The following COBL variants were observed in gnomAD, a reference collection of about 807,000 sequenced individuals.
The protein encoded by COBL is protein cordon-bleu.
A neutral mutation model predicts 98.8 loss-of-function variants in COBL; 51 were observed. The observed-to-expected ratio is 0.52, with a 90% CI of 0.41 to 0.65. COBL has a LOEUF of 0.65. Ranked by LOEUF, COBL falls within the 30% of genes least tolerant of loss-of-function variation. The pLI, the probability that COBL is intolerant of heterozygous loss-of-function variation, is 0.00. For missense variants in COBL, 1,617 were observed against 1,617.5 expected (o/e 1.00, Z 0.01); for synonymous variants, 634 against 651.7 (o/e 0.97, Z 0.41).
At chr7:51,052,438 C>G (rs1790336244) in intron 7 of COBL, among the ~76,000 whole-genome samples, 1 of 152,192 alleles carries the variant, frequency 6.6e-6, no homozygotes, top group Non-Finnish European at 1.5e-5. Context: ...ATCTGGGAAT[C>G]TCAACATATT....
intron 7 of COBL, among the ~76,000 whole-genome samples, chr7:51,056,820 C>CACACAG (rs1349491753): frequency 7.3e-6 from 1 of 137,216 alleles, no homozygotes; most frequent in Admixed American, 6.8e-5. Context: ...CCAACACACA[C>CACACAG]ACACACACAC....
At chr7:51,242,786 TG>T (rs1795914291) in intron 1 of COBL, among the ~76,000 whole-genome samples, 1 of 152,188 alleles carries the variant, frequency 6.6e-6, no homozygotes, top group Non-Finnish European at 1.5e-5. Flanking sequence ...ACCCGACTCC[TG>T]GGTAGAAGAG....
intron 2 of COBL, among the ~76,000 whole-genome samples, chr7:51,203,436 T>C (rs1584156573): frequency 1.1e-5 from 1 of 88,068 alleles, no homozygotes; most frequent in East Asian, 3.1e-4. Flanking sequence ...CACTCCAGCC[T>C]GGGCGACAGA....
chr7:51,052,681 G>A (rs745526719), intron 7 of COBL, among the ~76,000 whole-genome samples: 11 of 152,242 alleles, frequency 7.2e-5, no homozygotes, highest in South Asian at 2.1e-4. Flanking sequence ...ACCTGCCAAG[G>A]TGCCAAGGGA....
intron 1 of COBL, among the ~76,000 whole-genome samples, chr7:51,249,728 G>A (rs900496285): frequency 2.6e-5 from 4 of 152,106 alleles, no homozygotes; most frequent in African/African-American, 9.7e-5. Context: ...AGACAATGCT[G>A]CCAGGAGCCA....
At chr7:51,072,316 C>T (rs2128924537) in intron 7 of COBL, 1 of 152,248 alleles carries the variant, frequency 6.6e-6, no homozygotes, top group Non-Finnish European at 1.5e-5. Flanking sequence ...CTATTTTTAC[C>T]TACTCTGCCT....
chr7:51,111,544 C>T (rs943169683), intron 6 of COBL, among the ~76,000 whole-genome samples: 1 of 152,160 alleles, frequency 6.6e-6, no homozygotes, highest in African/African-American at 2.4e-5. Flanking sequence ...TTCTCCCCGC[C>T]GGCCCCACCT....
chr7:51,095,106 G>T (rs189839587), intron 6 of COBL, among the ~76,000 whole-genome samples: 1 of 152,192 alleles, frequency 6.6e-6, no homozygotes. Context: ...ATAAAGGAAG[G>T]AGGTTTAATT....
At chr7:51,300,180 A>G (rs1055049966) in intron 1 of COBL, among the ~76,000 whole-genome samples, 1 of 150,628 alleles carries the variant, frequency 6.6e-6, no homozygotes, top group African/African-American at 2.5e-5. Flanking sequence ...TTGTTTTTTG[A>G]GACAGAGTCT....
At chr7:51,214,272 AAAAT>A (rs34766805) in intron 2 of COBL, among the ~76,000 whole-genome samples, 5,937 of 140,218 alleles carry the variant, frequency 0.042, 166 homozygotes, top group South Asian at 0.12. Context: ...TCATCTATTA[AAAAT>A]AAATAAATAA....
rs767759467 is a variant in COBL at position 51,184,170 on chromosome 7, C to T, written c.715G>A (p.Asp239Asn). 2.6e-5 allele frequency: 40 copies of T among 1,563,640 alleles called. No homozygotes were observed. The highest frequency in any genetic ancestry group is 3.4e-5 in the Non-Finnish European group (39 of 1,154,720). Residue 239 changes from aspartate to asparagine, a missense_variant, in exon 5 of 13, where the codon GAT becomes AAT. Coordinates refer to ENST00000265136, the MANE Select transcript of COBL (RefSeq NM_015198.5). ...TTTTTCTTCTCTTTATCTGTCTCAT[C>T]ATTGCCAAGTGATGATTTCCTAAAG... ...ETFRKSSLGNDETDKEKKKFL... is the reference protein window; with the variant it reads ...ETFRKSSLGNNETDKEKKKFL...
intron 1 of COBL, among the ~76,000 whole-genome samples, chr7:51,224,116 C>T (rs557185657): frequency 6.6e-6 from 1 of 152,308 alleles, no homozygotes; most frequent in South Asian, 2.1e-4. Flanking sequence ...GAACAATAGG[C>T]TACAGCATAC....
At chr7:51,141,168 C>T (rs1486310538) in intron 5 of COBL, among the ~76,000 whole-genome samples, 1 of 151,828 alleles carries the variant, frequency 6.6e-6, no homozygotes, top group African/African-American at 2.4e-5. Context: ...TTCCATTTCT[C>T]AAAGGTGTCC....
chr7:51,267,822 C>T (rs543298901), intron 1 of COBL, among the ~76,000 whole-genome samples: 14 of 152,266 alleles, frequency 9.2e-5, no homozygotes, highest in Non-Finnish European at 1.9e-4. Context: ...GATCCGCCTG[C>T]CTCAGCCTCC....
intron 5 of COBL, among the ~76,000 whole-genome samples, chr7:51,152,541 GA>G (rs911757833): frequency 3.9e-5 from 6 of 152,052 alleles, no homozygotes; most frequent in Non-Finnish European, 7.4e-5. Flanking sequence ...TAAAGCAAGA[GA>G]AAAAAATGGC....
At chr7:51,098,224 C>CTTTTTTTTTGTTTTTTTTTTTTTTTT (rs1795481489) in intron 6 of COBL, among the ~76,000 whole-genome samples, 1 of 100,846 alleles carries the variant, frequency 9.9e-6, no homozygotes, top group South Asian at 3.2e-4. Flanking sequence ...ATAGCAGTTT[C>CTTTTTTTTTGTTTTTTTTTTTTTTTT]TTTTTTTTTT....
chr7:51,126,674 G>A (rs762331986), intron 6 of COBL, among the ~76,000 whole-genome samples: 12 of 152,100 alleles, frequency 7.9e-5, no homozygotes, highest in Non-Finnish European at 1.3e-4. Context: ...TGACTGATCT[G>A]GACGTCGTCA....
At chr7:51,200,567 G>A (rs1224454551) in intron 2 of COBL, among the ~76,000 whole-genome samples, 3 of 152,166 alleles carry the variant, frequency 2.0e-5, no homozygotes, top group Non-Finnish European at 2.9e-5. Context: ...ACAGACTGCT[G>A]TAACTATAAA....
chr7:51,197,765 A>C (rs1329447913), intron 2 of COBL, among the ~76,000 whole-genome samples: 1 of 152,188 alleles, frequency 6.6e-6, no homozygotes, highest in Non-Finnish European at 1.5e-5. Flanking sequence ...ACCATTATGT[A>C]ATGCCCTTCT....
Sources: gnomAD v4.1 joint callset for allele counts (sites outside exome capture counted in the v4.1 genomes callset) on GRCh38, gnomAD v4.1.1 for gene constraint, MANE v1.5 for transcripts, NCBI Gene and HGNC (gene_info 2026-07-23, HGNC 2026-07-21) for gene names.